Variants in ATP6V0A1 observed in about 807,000 individuals in gnomAD.
ATP6V0A1 encodes ATPase H+ transporting V0 subunit a1, also known as V-type proton ATPase 116 kDa subunit a 1.
A neutral mutation model predicts 105.4 loss-of-function variants in ATP6V0A1; 43 were observed. That is an observed-to-expected ratio of 0.41 (90% CI 0.32 to 0.53). The LOEUF is 0.53. ATP6V0A1 is among the 20% of genes least tolerant of loss of function. ATP6V0A1 has a pLI of 0.30. For missense variants in ATP6V0A1, 676 were observed against 1,051.1 expected, an observed-to-expected ratio of 0.64 and a Z score of 4.93; for synonymous variants, 362 against 372.8, an observed-to-expected ratio of 0.97 and a Z score of 0.33.
chr17:42,480,690 G>C lies in ATP6V0A1; in HGVS notation c.657G>C (p.Val219=), dbSNP rs1416985983. Residue 219 remains valine, a synonymous_variant, in exon 8 of 22, where the codon GTG becomes GTC. Transcript: ENST00000343619. The part of the protein sequence containing the change: ...PVTGDYVHKS[V]FIIFFQGDQL... Reference sequence around the variant, plus strand: ...AGGGCGACTACGTGCACAAGTCTGTGTTTATCATTTTCTTCCAAGGCGATC... The same window carrying C: ...AGGGCGACTACGTGCACAAGTCTGTCTTTATCATTTTCTTCCAAGGCGATC... The C allele has an allele frequency of 1.2e-6, 2 of 1,613,648 alleles. No homozygotes were observed. Among genetic ancestry groups the C allele is most frequent in the Non-Finnish European group, 1.7e-6 (2 of 1,179,882 alleles).
chr17:42,460,507 C>T (rs565179989), intron 1 of ATP6V0A1: 3 of 177,072 alleles, frequency 1.7e-5, no homozygotes, highest in South Asian at 1.2e-4. Context: ...CTCACTGCCT[C>T]AATATTGTGT....
intron 10 of ATP6V0A1, among the ~76,000 whole-genome samples, chr17:42,489,608 T>C (rs2090444711): frequency 6.6e-6 from 1 of 151,934 alleles, no homozygotes; most frequent in Admixed American, 6.6e-5. Context: ...GCAGGAGAAA[T>C]ACAAGGAGAA....
At chr17:42,492,984 C>T (rs1028582150) in intron 11 of ATP6V0A1, among the ~76,000 whole-genome samples, 1 of 152,142 alleles carries the variant, frequency 6.6e-6, no homozygotes, top group African/African-American at 2.4e-5. Context: ...TGCCACTGCA[C>T]TCCAGCCTGA....
chr17:42,461,488 A>G (rs995867404), intron 2 of ATP6V0A1, among the ~76,000 whole-genome samples: 1 of 152,170 alleles, frequency 6.6e-6, no homozygotes, highest in Admixed American at 6.6e-5. Flanking sequence ...AATATGGACA[A>G]TCTAGCCTGG....
chr17:42,487,876 C>T (rs1306438355), intron 10 of ATP6V0A1, among the ~76,000 whole-genome samples: 1 of 152,104 alleles, frequency 6.6e-6, no homozygotes. Context: ...ATATGTATAT[C>T]ATAGCGTAGC....
intron 17 of ATP6V0A1, among the ~76,000 whole-genome samples, chr17:42,506,336 T>A (rs1016185501): frequency 1.3e-5 from 2 of 152,258 alleles, no homozygotes; most frequent in Non-Finnish European, 2.9e-5. Flanking sequence ...GTAATTCTAA[T>A]GCAACTAGTT....
At chr17:42,463,099 G>A (rs1598654089) in intron 2 of ATP6V0A1, among the ~76,000 whole-genome samples, 1 of 140,588 alleles carries the variant, frequency 7.1e-6, no homozygotes, top group East Asian at 2.1e-4. Context: ...TCCGTCTCCT[G>A]GGTTCAAGCA....
chr17:42,519,492 C>A (rs2092753362), intron 21 of ATP6V0A1: 1 of 152,252 alleles, frequency 6.6e-6, no homozygotes, highest in Non-Finnish European at 1.5e-5. Flanking sequence ...CTCGTTTCAG[C>A]TGTTCTGAAA....
chr17:42,512,270 C>T (rs971642994), intron 19 of ATP6V0A1, among the ~76,000 whole-genome samples: 2 of 152,158 alleles, frequency 1.3e-5, no homozygotes, highest in East Asian at 1.9e-4. Context: ...GGCCTGGAAG[C>T]GAGGCTTCTC....
intron 18 of ATP6V0A1, among the ~76,000 whole-genome samples, chr17:42,507,830 C>T (rs1215570390): frequency 6.6e-6 from 1 of 152,214 alleles, no homozygotes; most frequent in Non-Finnish European, 1.5e-5. Context: ...CCAGAGCCCG[C>T]AGCAGTTTTG....
chr17:42,459,278 C>T (rs1046100240), intron 1 of ATP6V0A1: 3 of 152,222 alleles, frequency 2.0e-5, no homozygotes, highest in African/African-American at 7.2e-5. Context: ...CTCCTTTTTT[C>T]CCATCTCAAG....
chr17:42,481,668 A>AC (rs1435192792), intron 8 of ATP6V0A1, among the ~76,000 whole-genome samples: 1 of 151,958 alleles, frequency 6.6e-6, no homozygotes. Flanking sequence ...ACTTAGTGAG[A>AC]CCCCATGTCT....
intron 17 of ATP6V0A1, among the ~76,000 whole-genome samples, chr17:42,505,955 TTTTTGTA>T (rs1254613287): frequency 6.6e-6 from 1 of 151,908 alleles, no homozygotes; most frequent in Non-Finnish European, 1.5e-5. Context: ...GCCCAACTAA[TTTTTGTA>T]TTTTTAGTAG....
chr17:42,462,356 A>G (rs2086522809), intron 2 of ATP6V0A1, among the ~76,000 whole-genome samples: 1 of 152,066 alleles, frequency 6.6e-6, no homozygotes, highest in African/African-American at 2.4e-5. Context: ...CTTCCACCCC[A>G]GAGGTAACCC....
chr17:42,466,407 G>T (rs374011218), intron 2 of ATP6V0A1, 22 bp from the exon 3 acceptor site: 23 of 1,562,292 alleles, frequency 1.5e-5, no homozygotes, highest in Non-Finnish European at 2.0e-5. Context: ...TCAATGTTTG[G>T]TATTGTGTTT....
Position 42,468,026 on chromosome 17 carries a change from G to C in ATP6V0A1, c.213G>C (p.Glu71Asp). ...TCATTTTAGGATTTGTTGAGAAAGA[G>C]ATAAGAAAAGCTAACATTCCGATTA... ...MDRKLRFVEK[E>D]IRKANIPIMD... The change falls in exon 4 of 22, where the codon GAG becomes GAC. Residue 71 changes from glutamate to aspartate, a missense_variant. Physicochemically the swap from Glu to Asp is conservative, Grantham distance 45. Transcript: ENST00000343619. 6.2e-7 allele frequency: 1 copy of C among 1,604,326 alleles called. No homozygotes were observed. The highest frequency in any genetic ancestry group is 8.5e-7 in the Non-Finnish European group (1 of 1,175,192).
intron 12 of ATP6V0A1, chr17:42,494,769 G>A: frequency 2.1e-6 from 1 of 479,468 alleles, no homozygotes; most frequent in South Asian, 4.7e-5. Context: ...TTTAGGTTTG[G>A]TGCAAAAGTT....
At chr17:42,467,577 T>A (rs2087262887) in intron 3 of ATP6V0A1, among the ~76,000 whole-genome samples, 1 of 152,330 alleles carries the variant, frequency 6.6e-6, no homozygotes, top group Non-Finnish European at 1.5e-5. Context: ...AATGAACCCC[T>A]TTAGATCTAG....
chr17:42,478,548 C>G lies in ATP6V0A1; in HGVS notation c.592C>G (p.Arg198Gly). Residue 198 changes from arginine (R) to glycine (G), a missense_variant, in exon 7 of 22, where the codon CGA becomes GGA. Coordinates refer to ENST00000343619, the MANE Select transcript of ATP6V0A1 (RefSeq NM_001130021.3). ...GGTATGCCGGGGAAATGTGTTCCTG[C>G]GACAGGCTGAAATCGAGAACCCCCT... ...WRVCRGNVFL[R>G]QAEIENPLED... 1 of 1,605,308 alleles carries G rather than the reference C, an allele frequency of 6.2e-7. No homozygotes were observed. The highest frequency in any genetic ancestry group is 8.5e-7 in the Non-Finnish European group (1 of 1,174,784).
Sources: gnomAD v4.1 joint callset for allele counts (sites outside exome capture counted in the v4.1 genomes callset) on GRCh38, gnomAD v4.1.1 for gene constraint, MANE v1.5 for transcripts, NCBI Gene and HGNC (gene_info 2026-07-23, HGNC 2026-07-21) for gene names.